The following IMP4 variants were observed in gnomAD, a reference collection of about 807,000 sequenced individuals.
IMP4 encodes the protein U3 small nucleolar ribonucleoprotein IMP4.
IMP4 carries 30 observed loss-of-function variants against 42.7 expected under a neutral mutation model. The observed-to-expected ratio is 0.70, with a 90% confidence interval of 0.53 to 0.95. The LOEUF (loss-of-function observed/expected upper bound fraction) is 0.95. IMP4 is among the 40% of genes least tolerant of loss of function. The pLI, the probability that IMP4 is intolerant of heterozygous loss-of-function variation, is 0.00. For missense variants in IMP4, 382 were observed against 411.4 expected, an observed-to-expected ratio of 0.93 and a Z score of 0.62; for synonymous variants, 165 against 165.2, an observed-to-expected ratio of 1.00 and a Z score of 0.01.
Position 130,346,095 on chromosome 2 carries a change from C to G in IMP4, c.672C>G (p.Asp224Glu), listed in dbSNP as rs773819672. 3 of 1,614,060 alleles carry G rather than the reference C, an allele frequency of 1.9e-6. No individual in the cohort carries two copies. The highest frequency in any genetic ancestry group is 2.5e-6 in the Non-Finnish European group (3 of 1,180,000). ...GGGTCATCACCTTCGCAAACCAGGA[C>G]GACTACATATCATTCCGGTGGGTCC... ...SHRVITFANQDDYISFRHHVY... is the reference protein window; with the variant it reads ...SHRVITFANQEDYISFRHHVY... The change falls in exon 7 of 9, where the codon GAC (aspartate) becomes GAG (glutamate). Residue 224 changes from aspartate to glutamate, a missense_variant. Transcript: ENST00000259239.
intron 2 of IMP4, among the ~76,000 whole-genome samples, chr2:130,344,275 C>T (rs1380198137): frequency 6.6e-6 from 1 of 152,036 alleles, no homozygotes; most frequent in Non-Finnish European, 1.5e-5. Flanking sequence ...TTGCAGTGAG[C>T]CGAGATGGCA....
chr2:130,343,046 G>C (rs747940085), intron 1 of IMP4, 40 bp from the exon 2 acceptor site: 1 of 1,599,398 alleles, frequency 6.3e-7, no homozygotes, highest in Admixed American at 1.7e-5. Context: ...TCCGGGGCTC[G>C]GGAGCGAGTA....
Position 130,345,084 on chromosome 2 carries a change from C to A in IMP4, c.197-292C>A. On this transcript the variant is annotated intron_variant, in intron 3 of 8. Coordinates refer to ENST00000259239, the MANE Select transcript of IMP4 (RefSeq NM_033416.3). The surrounding 1 kb of genome is among the most constrained non-coding windows in gnomAD (Gnocchi z 4.9). Reference sequence around the variant, plus strand: ...TGTTACGAGGGAAAAGAGTTTGTCACCGTTGGCCTTAGCAGAGTGTGGATT... The same window carrying A: ...TGTTACGAGGGAAAAGAGTTTGTCAACGTTGGCCTTAGCAGAGTGTGGATT... 1 of 556,278 alleles carries A rather than the reference C, an allele frequency of 1.8e-6. No homozygotes were observed. Among genetic ancestry groups the A allele is most frequent in the South Asian group, 2.2e-5 (1 of 46,312 alleles). The allele number at this position is 556,278 out of a possible 1,614,324, so 34.5% of individuals were successfully genotyped here. A position where few individuals can be genotyped will look rare whatever the true frequency, so the allele number is the denominator to read the frequency against.
intron 2 of IMP4, 193 bp downstream of exon 2, chr2:130,343,387 T>G: frequency 2.8e-5 from 20 of 701,898 alleles, no homozygotes; most frequent in Middle Eastern, 2.3e-4. Context: ...TACCCGGGTT[T>G]TGCAGCTTGC....
rs1168151791 is a variant in IMP4 at position 130,345,651 on chromosome 2, A to G, written c.391A>G (p.Asn131Asp). The G allele has an allele frequency of 6.2e-7, 1 of 1,613,948 alleles. No individual in the cohort carries two copies. Among genetic ancestry groups the G allele is most frequent in the East Asian group, 2.2e-5 (1 of 44,862 alleles). Residue 131 changes from asparagine (N) to aspartate (D), a missense_variant, in exon 5 of 9, where the codon AAC becomes GAC. Physicochemically the swap from Asn to Asp is conservative, Grantham distance 23. Coordinates refer to ENST00000259239, the MANE Select transcript of IMP4 (RefSeq NM_033416.3). This position sits in a 1 kb window ranked among gnomAD's most constrained non-coding sequence, Gnocchi z 4.9. ...VGALVRACKA[N>D]GVTDLLVVHE... ...GGCACTGGTGCGAGCCTGCAAAGCC[A>G]ACGGCGTCACCGATCTGCTGGTCGT... is the stretch of plus-strand genomic sequence containing the variant.
In IMP4 at chr2:130,345,282, C is replaced by T. The variant is rs111723936; in HGVS notation, c.197-94C>T. 109 of 916,662 alleles carry T rather than the reference C, an allele frequency of 1.2e-4. No homozygotes were observed. Among genetic ancestry groups the T allele is most frequent in the African/African-American group, 1.1e-3 (70 of 61,192 alleles). 56.8% of individuals were successfully genotyped at this position (916,662 alleles called of 1,614,324 possible). ...GGAGCATTCCTATTGTTGAAGGCTT[C>T]GGCAGACAGCGACATCCAGGCGGTC... On this transcript the variant is annotated intron_variant, in intron 3 of 8. Coordinates refer to ENST00000259239, the MANE Select transcript of IMP4 (RefSeq NM_033416.3). The surrounding 1 kb of genome is among the most constrained non-coding windows in gnomAD (Gnocchi z 4.9).
Position 130,346,587 on chromosome 2 carries a change from C to A in IMP4, c.*119C>A. 2.6e-6 allele frequency: 2 copies of A among 779,922 alleles called. No homozygotes were observed. The highest frequency in any genetic ancestry group is 4.3e-6 in the Non-Finnish European group (2 of 466,516). 48.3% of individuals were successfully genotyped at this position (779,922 alleles called of 1,614,324 possible). ...GCTGAACTGGGATGTGGAACTGTGG[C>A]GGGTGGAGAGGTCTGAATAAACCGT... is the stretch of plus-strand genomic sequence containing the variant. On this transcript the variant is annotated 3_prime_UTR_variant, in exon 9 of 9. Coordinates refer to ENST00000259239, the MANE Select transcript of IMP4 (RefSeq NM_033416.3).
Position 130,345,549 on chromosome 2 carries a change from A to C in IMP4, c.307-18A>C. On this transcript the variant is annotated intron_variant, in intron 4 of 8. Transcript: ENST00000259239. This position sits in a 1 kb window ranked among gnomAD's most constrained non-coding sequence, Gnocchi z 4.9. ...CACACAGCCCCAGTCCTGACTGTACACTGCCATCCACGCCCAGGAGCTGAA... is the reference window on the plus strand; with the variant it reads ...CACACAGCCCCAGTCCTGACTGTACCCTGCCATCCACGCCCAGGAGCTGAA... The C allele has an allele frequency of 6.2e-7, 1 of 1,614,122 alleles. No individual in the cohort carries two copies. The highest frequency in any genetic ancestry group is 8.5e-7 in the Non-Finnish European group (1 of 1,180,012).
rs761640022 is a variant in IMP4, at chr2:130,346,252, C to T, written c.741C>T (p.Val247=). The T allele has an allele frequency of 3.6e-5, 58 of 1,613,984 alleles. 2 individuals carry two copies. The Middle Eastern group carries it at 3.1e-3, about 87-fold the overall frequency. ...TDHRNVELTE[V]GPRFELKLYM... ...ACCGCAACGTGGAGCTCACTGAGGT[C>T]GGGCCCCGCTTTGAGCTGAAGCGTG... is the stretch of plus-strand genomic sequence containing the variant. Residue 247 remains valine, a synonymous_variant, in exon 8 of 9, where the codon GTC becomes GTT. Transcript: ENST00000259239.
rs1679581261 is a variant in IMP4 at position 130,346,433 on chromosome 2, A to G, written c.841A>G (p.Thr281Ala). ...GTGGCGCTGGCACCCTTACACCAAT[A>G]CCGCACGCAAGAGAGTCTTCCTGAG... is the stretch of plus-strand genomic sequence containing the variant. ...VEWRWHPYTN[T>A]ARKRVFLSTE is the part of the protein sequence containing the mutation. Residue 281 changes from threonine (T) to alanine (A), a missense_variant, in exon 9 of 9, where the codon ACC becomes GCC. Coordinates refer to ENST00000259239, the MANE Select transcript of IMP4 (RefSeq NM_033416.3). 6.4e-7 allele frequency: 1 copy of G among 1,566,620 alleles called. No homozygotes were observed. Among genetic ancestry groups the G allele is most frequent in the Non-Finnish European group, 8.7e-7 (1 of 1,155,016 alleles).
intron 2 of IMP4, among the ~76,000 whole-genome samples, chr2:130,343,631 CAGG>C (rs1279928089): frequency 1.3e-5 from 2 of 151,020 alleles, no homozygotes; most frequent in African/African-American, 4.9e-5. Context: ...CCCAGCTACT[CAGG>C]AGGCTGAGGC....
At chr2:130,343,630 T>G (rs1243534860) in intron 2 of IMP4, among the ~76,000 whole-genome samples, 1 of 150,392 alleles carries the variant, frequency 6.6e-6, no homozygotes, top group Non-Finnish European at 1.5e-5. Flanking sequence ...TCCCAGCTAC[T>G]CAGGAGGCTG....
chr2:130,344,742 CTG>C, intron 3 of IMP4, 30 bp downstream of exon 3: 1 of 1,488,042 alleles, frequency 6.7e-7, no homozygotes, highest in Non-Finnish European at 9.4e-7. Context: ...CTCCCCAACA[CTG>C]AGCTGGCAGG....
Position 130,346,436 on chromosome 2 carries a change from G to A in IMP4, c.844G>A (p.Ala282Thr), listed in dbSNP as rs765733379. The A allele has an allele frequency of 1.3e-5, 20 of 1,565,184 alleles. No homozygotes were observed. The highest frequency in any genetic ancestry group is 7.0e-5 in the East Asian group (3 of 42,900). ...EWRWHPYTNTARKRVFLSTE is the reference protein window; with the variant it reads ...EWRWHPYTNTTRKRVFLSTE Reference sequence around the variant, plus strand: ...GCGCTGGCACCCTTACACCAATACCGCACGCAAGAGAGTCTTCCTGAGCAC... The same window carrying A: ...GCGCTGGCACCCTTACACCAATACCACACGCAAGAGAGTCTTCCTGAGCAC... The change falls in exon 9 of 9, where the codon GCA becomes ACA. Residue 282 changes from alanine to threonine, a missense_variant. Coordinates refer to ENST00000259239, the MANE Select transcript of IMP4 (RefSeq NM_033416.3).
chr2:130,344,155 C>T (rs968819011), intron 2 of IMP4, among the ~76,000 whole-genome samples: 1 of 152,144 alleles, frequency 6.6e-6, no homozygotes, highest in Admixed American at 6.5e-5. Context: ...GGTGAAACCC[C>T]GTCTCTACTA....
Position 130,345,908 on chromosome 2 carries a change from G to A in IMP4, c.569G>A (p.Gly190Asp). 1 of 1,614,188 alleles carries A rather than the reference G, an allele frequency of 6.2e-7. No homozygotes were observed. The highest frequency in any genetic ancestry group is 8.5e-7 in the Non-Finnish European group (1 of 1,180,038). ...SEAKPHLITH[G>D]FSSRLGKRVS... is the part of the protein sequence containing the mutation. ...GCCAAGCCCCACCTCATCACACACG[G>A]CTTCTCCTCCCGCCTGGGCAAGCGG... The change falls in exon 6 of 9, where the codon GGC becomes GAC. Residue 190 changes from glycine to aspartate, a missense_variant. By Grantham distance (94) the Gly-to-Asp change is moderately conservative. Coordinates refer to ENST00000259239, the MANE Select transcript of IMP4 (RefSeq NM_033416.3). This position sits in a 1 kb window ranked among gnomAD's most constrained non-coding sequence, Gnocchi z 4.9.
chr2:130,343,713 T>C (rs1171329577), intron 2 of IMP4, among the ~76,000 whole-genome samples: 1 of 142,144 alleles, frequency 7.0e-6, no homozygotes, highest in Non-Finnish European at 1.5e-5. Context: ...CACTCCAGCC[T>C]GGGCAAAAAA....
At chr2:130,343,025 G>A in intron 1 of IMP4, 61 bp from the exon 2 acceptor site, 1 of 1,606,860 alleles carries the variant, frequency 6.2e-7, no homozygotes, top group Non-Finnish European at 8.5e-7. Flanking sequence ...GCGGCTCCGG[G>A]GCTCCGGGGT....
rs199731548 is a variant in IMP4, at chr2:130,346,305, G to T, written c.763+31G>T. On this transcript the variant is annotated intron_variant, in intron 8 of 8. Transcript: ENST00000259239. ...TTTGAGGCTGAATCCCGTGTCTGGG[G>T]TGGGGAGGGGAGGCTGGCTGTGCCG... 641 of 1,612,324 alleles carry T rather than the reference G, an allele frequency of 4.0e-4. 6 individuals are homozygous for T. In the African/African-American group the frequency reaches 7.3e-3, roughly 18 times the overall value.
Sources: gnomAD v4.1 joint callset for allele counts (sites outside exome capture counted in the v4.1 genomes callset) on GRCh38, gnomAD v4.1.1 for gene constraint, Gnocchi (gnomAD v3.1) non-coding constraint, MANE v1.5 for transcripts, NCBI Gene and HGNC (gene_info 2026-07-23, HGNC 2026-07-21) for gene names.